ZMAT4: variants seen among roughly 807,000 people sequenced by gnomAD.
The protein encoded by ZMAT4 is zinc finger matrin-type 4, also known as zinc finger matrin-type protein 4.
ZMAT4 carries 17 observed loss-of-function variants against 28.7 expected under a neutral mutation model. The observed-to-expected ratio is 0.59, with a 90% confidence interval of 0.41 to 0.89. The LOEUF (loss-of-function observed/expected upper bound fraction) is 0.89. ZMAT4 is among the 40% of genes least tolerant of loss of function. The probability of loss-of-function intolerance (pLI) is 0.00; values close to 1 mark genes in which losing one functional copy is unlikely to be tolerated. For missense variants in ZMAT4, 240 were observed against 283.8 expected (o/e 0.85, Z 1.11); for synonymous variants, 117 against 109.2 (o/e 1.07, Z -0.44).
chr8:40,532,625 C>G (rs547120829), intron 6 of ZMAT4, among the ~76,000 whole-genome samples: 36 of 152,258 alleles, frequency 2.4e-4, no homozygotes, highest in African/African-American at 8.2e-4. Flanking sequence ...AGCAACATTA[C>G]AGTGGCTAAA....
chr8:40,565,668 A>C (rs2118488005), intron 6 of ZMAT4, among the ~76,000 whole-genome samples: 1 of 151,678 alleles, frequency 6.6e-6, no homozygotes, highest in Non-Finnish European at 1.5e-5. Flanking sequence ...GTGAACCACC[A>C]CGCCTGGTCA....
chr8:40,612,887 A>G (rs1366435327), intron 5 of ZMAT4, among the ~76,000 whole-genome samples: 2 of 141,764 alleles, frequency 1.4e-5, no homozygotes, highest in African/African-American at 5.4e-5. Context: ...ATCTTGGCTC[A>G]CTGCAACCTC....
At chr8:40,571,192 C>T (rs1804086604) in intron 6 of ZMAT4, among the ~76,000 whole-genome samples, 1 of 152,068 alleles carries the variant, frequency 6.6e-6, no homozygotes. Flanking sequence ...AAAGAATGAA[C>T]ATGCTCCCCA....
At chr8:40,560,971 CA>C (rs1463405416) in intron 6 of ZMAT4, among the ~76,000 whole-genome samples, 2 of 151,994 alleles carry the variant, frequency 1.3e-5, no homozygotes, top group African/African-American at 4.8e-5. Context: ...TATTAGTCCC[CA>C]AAAAACCCTT....
rs180853678 is a variant in ZMAT4, at chr8:40,607,964, C to T, written c.578-26703G>A. Among the ~76,000 whole-genome samples the T allele has an allele frequency of 2.9e-3, 435 of 151,898 alleles. 5 individuals carry two copies. The highest frequency in any genetic ancestry group is 9.9e-3 in the African/African-American group (410 of 41,428). ...GAGTGAAGTGGATTCTGTGGGGGTC[C>T]TTGGTTGTGTTTTTTTTTAATGTGT... On this transcript the variant is annotated intron_variant, in intron 5 of 6. Coordinates refer to ENST00000297737, the MANE Select transcript of ZMAT4 (RefSeq NM_024645.3).
At chr8:40,752,828 T>C (rs1812511486) in intron 3 of ZMAT4, among the ~76,000 whole-genome samples, 1 of 152,132 alleles carries the variant, frequency 6.6e-6, no homozygotes, top group Non-Finnish European at 1.5e-5. Flanking sequence ...CTCCCATCAC[T>C]ACCTGCTTCT....
intron 4 of ZMAT4, among the ~76,000 whole-genome samples, chr8:40,691,810 T>TA (rs1411173750): frequency 6.6e-6 from 1 of 152,190 alleles, no homozygotes; most frequent in African/African-American, 2.4e-5. Context: ...GCTGAACAGT[T>TA]AAAACCACCT....
At chr8:40,588,913 G>A (rs574678557) in intron 5 of ZMAT4, among the ~76,000 whole-genome samples, 12 of 152,220 alleles carry the variant, frequency 7.9e-5, no homozygotes, top group Admixed American at 4.6e-4. Flanking sequence ...AGAATTGATC[G>A]TAACACTCAA....
At position 40,720,362 on chromosome 8, in the gene ZMAT4, A is replaced by G. The variant is rs115833647; in HGVS notation, c.193-22961T>C. Reference sequence around the variant, plus strand: ...CTAGGACTCTTTATTGTGGCTCTGGATGAATGCAGGTATTAGTCTGTGGTC... The same window carrying G: ...CTAGGACTCTTTATTGTGGCTCTGGGTGAATGCAGGTATTAGTCTGTGGTC... On this transcript the variant is annotated intron_variant, in intron 3 of 6. Coordinates refer to ENST00000297737, the MANE Select transcript of ZMAT4 (RefSeq NM_024645.3). 6.4e-3 allele frequency among the ~76,000 whole-genome samples: 972 copies of G among 152,164 alleles called. 12 individuals carry two copies. Among genetic ancestry groups the G allele is most frequent in the African/African-American group, 0.022 (927 of 41,520 alleles).
chr8:40,787,992 A>C (rs1814157075), intron 2 of ZMAT4, among the ~76,000 whole-genome samples: 1 of 152,232 alleles, frequency 6.6e-6, no homozygotes, highest in African/African-American at 2.4e-5. Context: ...AAAGGAAAAA[A>C]TATAAGTATT....
chr8:40,548,987 G>A (rs763615976), intron 6 of ZMAT4, among the ~76,000 whole-genome samples: 3 of 152,152 alleles, frequency 2.0e-5, no homozygotes, highest in African/African-American at 4.8e-5. Flanking sequence ...GAATTCATAT[G>A]TTGAAACGTA....
intron 1 of ZMAT4, among the ~76,000 whole-genome samples, chr8:40,857,902 AG>A (rs773117872): frequency 1.2e-4 from 18 of 152,218 alleles, no homozygotes; most frequent in Non-Finnish European, 2.4e-4. Flanking sequence ...AAGCAAAAGA[AG>A]CCAGACATTA....
At chr8:40,746,251 C>CTTT (rs1812214494) in intron 3 of ZMAT4, among the ~76,000 whole-genome samples, 1 of 39,262 alleles carries the variant, frequency 2.5e-5, no homozygotes, top group Admixed American at 3.6e-4. Flanking sequence ...CTCCCTCCCT[C>CTTT]CCTCCCTCCC....
intron 5 of ZMAT4, among the ~76,000 whole-genome samples, chr8:40,629,854 C>T (rs10098986): frequency 0.2 from 30,945 of 151,882 alleles, 3,249 homozygotes; most frequent in Middle Eastern, 0.27. Flanking sequence ...GTGAGTAGTG[C>T]CGCTATAAAC....
intron 5 of ZMAT4, among the ~76,000 whole-genome samples, chr8:40,617,899 A>G (rs1806067698): frequency 6.6e-6 from 1 of 152,240 alleles, no homozygotes; most frequent in South Asian, 2.1e-4. Flanking sequence ...TTTCAAAATG[A>G]AAAATTTCCT....
At chr8:40,616,459 T>C (rs919455173) in intron 5 of ZMAT4, among the ~76,000 whole-genome samples, 7 of 152,194 alleles carry the variant, frequency 4.6e-5, no homozygotes, top group Non-Finnish European at 1.0e-4. Context: ...TGGCACTATT[T>C]ACAATAGCAA....
At chr8:40,892,060 G>C (rs1470667045) in intron 1 of ZMAT4, among the ~76,000 whole-genome samples, 3 of 152,112 alleles carry the variant, frequency 2.0e-5, no homozygotes. Context: ...CACGTGTGTG[G>C]CGGTGTGCAC....
intron 5 of ZMAT4, among the ~76,000 whole-genome samples, chr8:40,629,596 T>C (rs1230324852): frequency 8.8e-4 from 119 of 134,602 alleles, no homozygotes; most frequent in Non-Finnish European, 1.5e-3. Context: ...GTGATGTTCC[T>C]CTTCCTGTGT....
At chr8:40,565,459 C>T (rs1285935885) in intron 6 of ZMAT4, among the ~76,000 whole-genome samples, 1 of 150,588 alleles carries the variant, frequency 6.6e-6, no homozygotes, top group Non-Finnish European at 1.5e-5. Context: ...TCACTGCAAC[C>T]CCCGCCTCCC....
Sources: gnomAD v4.1 joint callset for allele counts (sites outside exome capture counted in the v4.1 genomes callset) on GRCh38, gnomAD v4.1.1 for gene constraint, MANE v1.5 for transcripts, NCBI Gene and HGNC (gene_info 2026-07-23, HGNC 2026-07-21) for gene names.